Variants in CNBD1 observed in about 807,000 individuals in gnomAD.
The protein encoded by CNBD1 is cyclic nucleotide binding domain containing 1, also known as cyclic nucleotide-binding domain-containing protein 1.
Under a neutral mutation model 54.4 loss-of-function variants are expected in CNBD1, and 71 were observed. That is an observed-to-expected ratio of 1.30 (90% CI 1.08 to 1.59). The LOEUF (loss-of-function observed/expected upper bound fraction) is 1.59, where lower values mean the gene tolerates loss of function less well. Ranked by LOEUF, CNBD1 falls within the 40% of genes most tolerant of loss-of-function variation. The pLI, the probability that CNBD1 is intolerant of heterozygous loss-of-function variation, is 0.00. For missense variants in CNBD1, 659 were observed against 518.0 expected (o/e 1.27, Z -2.64); for synonymous variants, 182 against 170.7 (o/e 1.07, Z -0.51).
chr8:87,124,609 T>C (rs1417720531), intron 4 of CNBD1, among the ~76,000 whole-genome samples: 3 of 151,764 alleles, frequency 2.0e-5, no homozygotes, highest in Non-Finnish European at 4.4e-5. Context: ...CACCCTTTTA[T>C]GGAAAAAGTT....
chr8:87,200,992 A>G (rs1186586334), intron 4 of CNBD1, among the ~76,000 whole-genome samples: 1 of 152,196 alleles, frequency 6.6e-6, no homozygotes, highest in Admixed American at 6.5e-5. Flanking sequence ...TGATGCAAAT[A>G]TTCTCAACAA....
intron 3 of CNBD1, among the ~76,000 whole-genome samples, chr8:86,935,292 T>C (rs1312710099): frequency 1.3e-5 from 2 of 152,178 alleles, no homozygotes; most frequent in Non-Finnish European, 2.9e-5. Context: ...TGCCTGGTCC[T>C]CCCAAAGTGC....
downstream of CNBD1, among the ~76,000 whole-genome samples, chr8:87,383,559 C>G (rs1811130589): frequency 6.6e-6 from 1 of 151,828 alleles, no homozygotes; most frequent in African/African-American, 2.4e-5. Context: ...CTGTAACATA[C>G]TGCTGCCCAT....
At chr8:87,348,037 C>G (rs1421509049) in intron 8 of CNBD1, among the ~76,000 whole-genome samples, 3 of 152,146 alleles carry the variant, frequency 2.0e-5, no homozygotes, top group African/African-American at 7.2e-5. Flanking sequence ...TCACACATTT[C>G]TAACATTAGA....
At chr8:86,974,259 T>C (rs2130496258) in intron 4 of CNBD1, among the ~76,000 whole-genome samples, 1 of 152,166 alleles carries the variant, frequency 6.6e-6, no homozygotes, top group Non-Finnish European at 1.5e-5. Flanking sequence ...AAAATAAAAA[T>C]TTTTGTTAAG....
At chr8:87,055,765 C>T (rs1810400609) in intron 4 of CNBD1, among the ~76,000 whole-genome samples, 1 of 150,482 alleles carries the variant, frequency 6.6e-6, no homozygotes. Flanking sequence ...CTTCCTTCTA[C>T]CCCACCTTTC....
At chr8:87,105,214 C>T (rs1209651989) in intron 4 of CNBD1, among the ~76,000 whole-genome samples, 1 of 152,040 alleles carries the variant, frequency 6.6e-6, no homozygotes, top group South Asian at 2.1e-4. Flanking sequence ...ACTTTATCAT[C>T]TTTGAAAATG....
chr8:87,266,817 G>A (rs893964519), intron 6 of CNBD1, among the ~76,000 whole-genome samples: 15 of 151,998 alleles, frequency 9.9e-5, no homozygotes, highest in Admixed American at 8.5e-4. Flanking sequence ...ATTCATTTGG[G>A]TAAGGGCAGT....
chr8:87,132,806 T>G (rs909147279), intron 4 of CNBD1, among the ~76,000 whole-genome samples: 1 of 135,140 alleles, frequency 7.4e-6, no homozygotes, highest in African/African-American at 3.5e-5. Flanking sequence ...TGTATATATA[T>G]ACATATATAT....
At chr8:86,884,827 G>C (rs1808657170) in intron 1 of CNBD1, among the ~76,000 whole-genome samples, 1 of 152,154 alleles carries the variant, frequency 6.6e-6, no homozygotes, top group Non-Finnish European at 1.5e-5. Flanking sequence ...TATTAAGCAA[G>C]GTTCCATTTA....
chr8:87,129,466 C>T (rs1812071515), intron 4 of CNBD1, among the ~76,000 whole-genome samples: 1 of 152,072 alleles, frequency 6.6e-6, no homozygotes, highest in South Asian at 2.1e-4. Context: ...CATTTTTACT[C>T]AGTTGTCTCA....
At chr8:87,238,683 T>TCTAC (rs150819755) in intron 6 of CNBD1, among the ~76,000 whole-genome samples, 2,942 of 152,132 alleles carry the variant, frequency 0.019, 85 homozygotes, top group African/African-American at 0.066. Flanking sequence ...TATGTATCTG[T>TCTAC]CTACCTACCT....
chr8:87,264,252 G>T lies in CNBD1; in HGVS notation c.772-20426G>T, dbSNP rs758806625. Among the ~76,000 whole-genome samples, 736 of 151,938 alleles carry T rather than the reference G, an allele frequency of 4.8e-3. 9 individuals carry two copies. Among genetic ancestry groups the T allele is most frequent in the Non-Finnish European group, 7.2e-3 (487 of 67,950 alleles). On this transcript the variant is annotated intron_variant, in intron 6 of 10. Transcript: ENST00000518476. ...TATGAGTGAGAACATGTGGTGTTTG[G>T]TTTTTTTGTCCTTGCGATAGTTTGC...
chr8:87,370,142 G>A (rs1244750544), intron 10 of CNBD1, among the ~76,000 whole-genome samples: 2 of 151,666 alleles, frequency 1.3e-5, no homozygotes, highest in Non-Finnish European at 2.9e-5. Flanking sequence ...GGACATTTGG[G>A]TTGGTTCCAA....
intron 4 of CNBD1, among the ~76,000 whole-genome samples, chr8:86,948,669 C>T (rs1439884907): frequency 2.0e-5 from 3 of 152,142 alleles, no homozygotes; most frequent in African/African-American, 7.2e-5. Context: ...AATCCCTTGT[C>T]AGAGGGGTAG....
At chr8:87,159,467 G>A (rs545602394) in intron 4 of CNBD1, among the ~76,000 whole-genome samples, 2 of 152,206 alleles carry the variant, frequency 1.3e-5, no homozygotes, top group South Asian at 2.1e-4. Flanking sequence ...GAGCTCTTGC[G>A]ATAGCTCCTT....
intron 4 of CNBD1, among the ~76,000 whole-genome samples, chr8:86,976,653 T>A (rs1808348874): frequency 6.6e-6 from 1 of 152,014 alleles, no homozygotes; most frequent in South Asian, 2.1e-4. Context: ...CAATATTAAT[T>A]CTTCCCATTC....
At position 86,902,605 on chromosome 8, in the gene CNBD1, A is replaced by G. The variant is rs540258531; in HGVS notation, c.159-2476A>G. Among the ~76,000 whole-genome samples the G allele has an allele frequency of 9.6e-4, 146 of 152,012 alleles. 1 individual carries two copies. In the Middle Eastern group the frequency reaches 0.01, roughly 11 times the overall value. Reference sequence around the variant, plus strand: ...AGAGTTCTGCTGTGTAAACCTATATATTTTGAATGTATTTCCCTTTCATCT... The same window carrying G: ...AGAGTTCTGCTGTGTAAACCTATATGTTTTGAATGTATTTCCCTTTCATCT... On this transcript the variant is annotated intron_variant, in intron 2 of 10. Coordinates refer to ENST00000518476, the MANE Select transcript of CNBD1 (RefSeq NM_173538.3).
chr8:86,966,752 C>G (rs888511964), intron 4 of CNBD1, among the ~76,000 whole-genome samples: 3 of 152,136 alleles, frequency 2.0e-5, no homozygotes, highest in African/African-American at 7.2e-5. Context: ...AGTGTTACAG[C>G]TCATAAAGGT....
Sources: gnomAD v4.1 joint callset for allele counts (sites outside exome capture counted in the v4.1 genomes callset) on GRCh38, gnomAD v4.1.1 for gene constraint, MANE v1.5 for transcripts, NCBI Gene and HGNC (gene_info 2026-07-23, HGNC 2026-07-21) for gene names.